ATP2B2: variants seen among roughly 807,000 people sequenced by gnomAD.
ATP2B2 encodes plasma membrane calcium-transporting ATPase 2.
A neutral mutation model predicts 120.0 loss-of-function variants in ATP2B2; 15 were observed. The observed-to-expected ratio is 0.12, with a 90% confidence interval of 0.08 to 0.19. The LOEUF (loss-of-function observed/expected upper bound fraction) is 0.19. ATP2B2 is among the 10% of genes least tolerant of loss of function. The probability of loss-of-function intolerance (pLI) is 1.00; values close to 1 mark genes in which losing one functional copy is unlikely to be tolerated. For missense variants in ATP2B2, 1,045 were observed against 1,719.8 expected (o/e 0.61, Z 6.94); for synonymous variants, 694 against 700.3 (o/e 0.99, Z 0.14).
At chr3:10,478,161 T>C (rs2065273577) in intron 1 of ATP2B2, among the ~76,000 whole-genome samples, 1 of 152,222 alleles carries the variant, frequency 6.6e-6, no homozygotes, top group African/African-American at 2.4e-5. Flanking sequence ...TTATTGGCCA[T>C]TTGTGTATCT....
chr3:10,628,586 T>C (rs2069773926), intron 1 of ATP2B2, among the ~76,000 whole-genome samples: 1 of 151,798 alleles, frequency 6.6e-6, no homozygotes, highest in Non-Finnish European at 1.5e-5. Flanking sequence ...GTGAAAGTGA[T>C]GGCATTCACA....
rs1445328310 is a variant in ATP2B2 at position 10,324,562 on chromosome 3, C to G, written c.*4252G>C. On this transcript the variant is annotated 3_prime_UTR_variant, in exon 23 of 23. Coordinates refer to ENST00000360273, the MANE Select transcript of ATP2B2 (RefSeq NM_001001331.4). ...AAGGCCTAAAAGCCTTCAAGAAACG[C>G]TCTTCCCTACAAGAGCCTCTAATGG... is the stretch of plus-strand genomic sequence containing the variant. The G allele has an allele frequency of 2.0e-5, 3 of 152,218 alleles. No individual in the cohort carries two copies. Among genetic ancestry groups the G allele is most frequent in the Non-Finnish European group, 4.4e-5 (3 of 68,042 alleles). The allele number at this position is 152,218 out of a possible 1,614,324, so 9.4% of individuals were successfully genotyped here.
At chr3:10,536,621 G>C (rs1276051385) in intron 2 of ATP2B2, among the ~76,000 whole-genome samples, 1 of 152,012 alleles carries the variant, frequency 6.6e-6, no homozygotes, top group Non-Finnish European at 1.5e-5. Context: ...TGAACTCCCA[G>C]GCTCAAGCAA....
intron 2 of ATP2B2, among the ~76,000 whole-genome samples, chr3:10,556,524 G>A (rs2067783012): frequency 6.6e-6 from 1 of 152,206 alleles, no homozygotes; most frequent in Non-Finnish European, 1.5e-5. Context: ...AAGGGGGCAG[G>A]GAAAGCCTCT....
chr3:10,474,785 T>C (rs2065143252), intron 1 of ATP2B2, among the ~76,000 whole-genome samples: 1 of 152,282 alleles, frequency 6.6e-6, no homozygotes. Flanking sequence ...CAAATGCTTT[T>C]CTAAAGTGCT....
intron 2 of ATP2B2, among the ~76,000 whole-genome samples, chr3:10,417,734 A>T (rs1217414871): frequency 2.1e-4 from 32 of 152,198 alleles, no homozygotes; most frequent in Admixed American, 2.1e-3. Flanking sequence ...AGTGTCAGGA[A>T]GGATCGCCTG....
chr3:10,388,073 G>T, intron 6 of ATP2B2: 2 of 673,920 alleles, frequency 3.0e-6, no homozygotes, highest in African/African-American at 1.8e-5. Context: ...GATTGGACAA[G>T]ACAGAGACTG....
chr3:10,382,104 C>T (rs1328111980), intron 8 of ATP2B2, among the ~76,000 whole-genome samples: 3 of 151,920 alleles, frequency 2.0e-5, no homozygotes, highest in African/African-American at 7.3e-5. Context: ...TGGTTCACTG[C>T]AACGTTGAAC....
At chr3:10,669,643 C>A (rs74499345) in intron 1 of ATP2B2, among the ~76,000 whole-genome samples, 2 of 152,164 alleles carry the variant, frequency 1.3e-5, no homozygotes, top group African/African-American at 4.8e-5. Context: ...AATTTCAATG[C>A]GGGCTATCCA....
In ATP2B2 at chr3:10,673,993, T is replaced by TAAA. The variant is rs772373957; in HGVS notation, c.-460+33919_-460+33921dup. Among the ~76,000 whole-genome samples, 11 of 140,958 alleles carry TAAA rather than the reference T, an allele frequency of 7.8e-5. No individual in the cohort carries two copies. The East Asian group carries it at 1.0e-3, about 13-fold the overall frequency. The allele number at this position is 140,958 out of a possible 152,430, so 92.5% of individuals were successfully genotyped here. On this transcript the variant is annotated intron_variant, in intron 1 of 21. Transcript: ENST00000646379. ...TTCCATAATAAGAAAAGTGGTTTTA[T>TAAA]AAAAAAAAAAAAGAAGCCAATATTA... is the stretch of plus-strand genomic sequence containing the variant.
chr3:10,431,134 T>C (rs532065747), intron 2 of ATP2B2, among the ~76,000 whole-genome samples: 4 of 152,288 alleles, frequency 2.6e-5, no homozygotes, highest in African/African-American at 9.6e-5. Flanking sequence ...TTTCTTGAGC[T>C]GGAATCTATT....
At chr3:10,574,518 G>A (rs2068200054) in intron 2 of ATP2B2, among the ~76,000 whole-genome samples, 1 of 152,152 alleles carries the variant, frequency 6.6e-6, no homozygotes, top group Non-Finnish European at 1.5e-5. Flanking sequence ...TTGATTTTCA[G>A]TCCATCTCAT....
intron 2 of ATP2B2, among the ~76,000 whole-genome samples, chr3:10,536,817 C>A (rs1198720160): frequency 6.6e-6 from 1 of 152,210 alleles, no homozygotes; most frequent in South Asian, 2.1e-4. Flanking sequence ...CCTGAGCCAC[C>A]ACACCCAGCC....
chr3:10,326,258 CGT>C lies in ATP2B2; in HGVS notation c.*2554_*2555del, dbSNP rs113724179. The C allele has an allele frequency of 2.0e-3, 299 of 153,092 alleles. 1 individual carries two copies. The highest frequency in any genetic ancestry group is 5.5e-3 in the African/African-American group (227 of 41,328). The allele number at this position is 153,092 out of a possible 1,614,324, so 9.5% of individuals were successfully genotyped here. On this transcript the variant is annotated 3_prime_UTR_variant, in exon 23 of 23. Transcript: ENST00000360273. ...GTGAGTTTTGACAAACCAACCATTT[CGT>C]GTGTGTGTGTGTGTATGTGTGCAAG...
intron 1 of ATP2B2, among the ~76,000 whole-genome samples, chr3:10,628,955 C>T (rs1399007694): frequency 6.6e-6 from 1 of 152,166 alleles, no homozygotes; most frequent in African/African-American, 2.4e-5. Context: ...TTTAAAGATA[C>T]CTTATTTAAT....
intron 4 of ATP2B2, 82 bp from the exon 5 acceptor site, chr3:10,401,160 A>G (rs1346780405): frequency 3.2e-6 from 5 of 1,566,484 alleles, no homozygotes; most frequent in Non-Finnish European, 4.3e-6. Context: ...TGCGATTACC[A>G]GGGAAGGTTT....
At chr3:10,677,137 A>C (rs899108973) in intron 1 of ATP2B2, among the ~76,000 whole-genome samples, 2 of 152,250 alleles carry the variant, frequency 1.3e-5, no homozygotes, top group African/African-American at 4.8e-5. Flanking sequence ...TCTATTAATA[A>C]TTGCCAAAAC....
intron 8 of ATP2B2, 121 bp downstream of exon 8, chr3:10,385,147 C>T (rs2061636784): frequency 5.0e-6 from 5 of 994,924 alleles, no homozygotes; most frequent in African/African-American, 4.8e-5. Flanking sequence ...GTGACTGTCC[C>T]AGCGGCCCAT....
upstream of ATP2B2, among the ~76,000 whole-genome samples, chr3:10,505,951 G>A (rs2066612589): frequency 6.6e-6 from 1 of 152,238 alleles, no homozygotes; most frequent in South Asian, 2.1e-4. Flanking sequence ...GGTAGGGCTG[G>A]GCTGTGCTGG....
Sources: gnomAD v4.1 joint callset for allele counts (sites outside exome capture counted in the v4.1 genomes callset) on GRCh38, gnomAD v4.1.1 for gene constraint, MANE v1.5 for transcripts, NCBI Gene and HGNC (gene_info 2026-07-23, HGNC 2026-07-21) for gene names.